The following CNTNAP5 variants were observed in gnomAD, a reference collection of about 807,000 sequenced individuals.
CNTNAP5 encodes the protein contactin-associated protein-like 5.
Under a neutral mutation model 150.2 loss-of-function variants are expected in CNTNAP5, and 72 were observed. The ratio of observed to expected loss-of-function variants is 0.48; its 90% confidence interval spans 0.40 to 0.58. CNTNAP5 has a LOEUF of 0.58. Ranked by LOEUF, CNTNAP5 falls within the 20% of genes least tolerant of loss-of-function variation. CNTNAP5 has a pLI of 0.00. For missense variants in CNTNAP5, 1,636 were observed against 1,626.2 expected (o/e 1.01, Z -0.10); for synonymous variants, 672 against 619.8 (o/e 1.08, Z -1.25).
intron 3 of CNTNAP5, among the ~76,000 whole-genome samples, chr2:124,247,979 G>C (rs572701432): frequency 9.9e-5 from 15 of 152,220 alleles, no homozygotes; most frequent in Admixed American, 3.3e-4. Context: ...TTTTAATACA[G>C]ATATTAATTT....
Position 124,242,238 on chromosome 2 carries a change from C to A in CNTNAP5, c.226C>A (p.Gln76Lys). 6.2e-7 allele frequency: 1 copy of A among 1,600,744 alleles called. No individual in the cohort carries two copies. The highest frequency in any genetic ancestry group is 8.5e-7 in the Non-Finnish European group (1 of 1,172,960). ...GTCCCCAGCAGATTCCAATGCTCAA[C>A]AGTGGCTCCAGATGGACCTGGGAAA... Reference protein sequence around the residue: ...GWSPADSNAQQWLQMDLGNRV... With the variant: ...GWSPADSNAQKWLQMDLGNRV... The change falls in exon 3 of 24, where the codon CAG (glutamine) becomes AAG (lysine). Residue 76 changes from glutamine to lysine, a missense_variant. Transcript: ENST00000682447.
At chr2:124,746,326 G>T (rs766340798) in intron 13 of CNTNAP5, among the ~76,000 whole-genome samples, 29 of 152,026 alleles carry the variant, frequency 1.9e-4, no homozygotes, top group Admixed American at 1.1e-3. Context: ...AAATCCAACA[G>T]ATTTCACTAA....
chr2:124,034,006 A>G (rs1165565789), intron 1 of CNTNAP5, among the ~76,000 whole-genome samples: 1 of 152,062 alleles, frequency 6.6e-6, no homozygotes, highest in Non-Finnish European at 1.5e-5. Flanking sequence ...AAGAACAGGG[A>G]TGTTCTAGGT....
chr2:124,092,289 C>T (rs1411416049), intron 1 of CNTNAP5, among the ~76,000 whole-genome samples: 1 of 152,184 alleles, frequency 6.6e-6, no homozygotes, highest in African/African-American at 2.4e-5. Flanking sequence ...CGATAGCCAT[C>T]AAGTAGTCCA....
intron 19 of CNTNAP5, among the ~76,000 whole-genome samples, chr2:124,830,605 C>G (rs569668118): frequency 2.6e-5 from 4 of 152,080 alleles, no homozygotes; most frequent in African/African-American, 9.6e-5. Flanking sequence ...AGAGGGAATA[C>G]ATGGCTTTTA....
intron 22 of CNTNAP5, among the ~76,000 whole-genome samples, chr2:124,907,416 A>G (rs1271324248): frequency 6.6e-6 from 1 of 151,196 alleles, no homozygotes; most frequent in Non-Finnish European, 1.5e-5. Flanking sequence ...TCATAGAGAT[A>G]GATACAGATA....
At chr2:124,704,189 G>A (rs750391238) in intron 13 of CNTNAP5, among the ~76,000 whole-genome samples, 4 of 152,116 alleles carry the variant, frequency 2.6e-5, no homozygotes, top group Non-Finnish European at 5.9e-5. Context: ...GGAGTGGGGC[G>A]ACCTAACCCA....
At chr2:124,567,886 G>GATAGAT (rs1696069660) in intron 11 of CNTNAP5, among the ~76,000 whole-genome samples, 1 of 141,682 alleles carries the variant, frequency 7.1e-6, no homozygotes, top group East Asian at 1.9e-4. Flanking sequence ...GATAGATATA[G>GATAGAT]ATAGATAGAT....
chr2:124,466,970 C>A (rs948546912), intron 6 of CNTNAP5, among the ~76,000 whole-genome samples: 3 of 151,970 alleles, frequency 2.0e-5, no homozygotes, highest in South Asian at 2.1e-4. Context: ...GTTTGAAATG[C>A]GGACAAAGGT....
At chr2:124,227,783 C>T (rs778867979) in intron 2 of CNTNAP5, among the ~76,000 whole-genome samples, 17 of 149,094 alleles carry the variant, frequency 1.1e-4, no homozygotes, top group East Asian at 5.9e-4. Flanking sequence ...TGGGGGGAGG[C>T]GGAAGAAAAT....
intron 1 of CNTNAP5, among the ~76,000 whole-genome samples, chr2:124,158,887 G>A (rs1269562465): frequency 1.3e-5 from 2 of 152,174 alleles, no homozygotes; most frequent in Non-Finnish European, 2.9e-5. Context: ...TACAAGGCTG[G>A]TGGCCAGTGG....
At position 124,911,467 on chromosome 2, in the gene CNTNAP5, A is replaced by T; in HGVS notation, c.3656A>T (p.Asp1219Val). The T allele has an allele frequency of 1.3e-6, 2 of 1,593,902 alleles. No homozygotes were observed. The highest frequency in any genetic ancestry group is 1.7e-6 in the Non-Finnish European group (2 of 1,169,044). ...NAVTTVHSSS[D>V]PFGKTDEREP... Reference sequence around the variant, plus strand: ...GTCCCATGTCTTTTACTCCTTTCAGATCCTTTTGGGAAGACAGATGAGCGG... The same window carrying T: ...GTCCCATGTCTTTTACTCCTTTCAGTTCCTTTTGGGAAGACAGATGAGCGG... Residue 1219 changes from aspartate (D) to valine (V), a missense_variant and splice_region_variant, in exon 23 of 24, where the codon GAT (aspartate) becomes GTT (valine). Physicochemically the swap from Asp to Val is radical, Grantham distance 152. Coordinates refer to ENST00000682447, the MANE Select transcript of CNTNAP5 (RefSeq NM_001367498.1).
At chr2:124,060,754 G>C (rs542997846) in intron 1 of CNTNAP5, among the ~76,000 whole-genome samples, 1 of 152,202 alleles carries the variant, frequency 6.6e-6, no homozygotes, top group African/African-American at 2.4e-5. Flanking sequence ...GATAAAATGG[G>C]GCTTTCTAGT....
chr2:124,209,521 G>A (rs1479731473), intron 1 of CNTNAP5, among the ~76,000 whole-genome samples: 4 of 152,152 alleles, frequency 2.6e-5, no homozygotes, highest in African/African-American at 7.2e-5. Context: ...GGAAACATAA[G>A]TCACTTTACT....
chr2:124,630,349 G>A (rs1558711874), intron 12 of CNTNAP5, among the ~76,000 whole-genome samples: 1 of 152,134 alleles, frequency 6.6e-6, no homozygotes, highest in Non-Finnish European at 1.5e-5. Context: ...ACCAAACCCA[G>A]CAGCACATCA....
In CNTNAP5 at chr2:124,128,553, A is replaced by C. The variant is rs193158521; in HGVS notation, c.83-93152A>C. Among the ~76,000 whole-genome samples the C allele has an allele frequency of 8.5e-4, 129 of 152,320 alleles. 1 individual carries two copies. The highest frequency in any genetic ancestry group is 3.1e-3 in the African/African-American group (128 of 41,576). ...AAATACCATTTGACCCAGCCATCCC[A>C]TTACTGGGTATATACCCAAAGAATG... On this transcript the variant is annotated intron_variant, in intron 1 of 23. Transcript: ENST00000682447.
intron 19 of CNTNAP5, among the ~76,000 whole-genome samples, chr2:124,811,670 G>A (rs941135058): frequency 2.8e-5 from 4 of 145,230 alleles, no homozygotes; most frequent in South Asian, 2.3e-4. Flanking sequence ...GGTCAGGCGC[G>A]GTGGCTCATG....
At chr2:124,854,324 G>A (rs1262610054) in intron 19 of CNTNAP5, among the ~76,000 whole-genome samples, 1 of 152,068 alleles carries the variant, frequency 6.6e-6, no homozygotes, top group African/African-American at 2.4e-5. Flanking sequence ...ATATACATCT[G>A]CACTCCTTGG....
At chr2:124,785,299 A>T (rs1342608102) in intron 17 of CNTNAP5, among the ~76,000 whole-genome samples, 3 of 152,164 alleles carry the variant, frequency 2.0e-5, no homozygotes, top group African/African-American at 4.8e-5. Context: ...ATCTTAAAGG[A>T]GCTGACCCCA....
Sources: allele counts gnomAD v4.1 joint callset (sites outside exome capture counted in the v4.1 genomes callset), GRCh38; gene constraint gnomAD v4.1.1; transcripts MANE v1.5; gene names NCBI Gene and HGNC (gene_info 2026-07-23, HGNC 2026-07-21).